Variants in SPTBN1 observed in about 807,000 individuals in gnomAD.
SPTBN1 encodes spectrin beta chain, non-erythrocytic 1.
In SPTBN1, 32 loss-of-function variants were observed where a neutral mutation model predicts 266.4. That is an observed-to-expected ratio of 0.12 (90% confidence interval 0.09 to 0.16). The LOEUF (loss-of-function observed/expected upper bound fraction) is 0.16, where lower values mean the gene tolerates loss of function less well. Among genes scored for constraint, SPTBN1 ranks in the 10% least tolerant of loss-of-function variants. SPTBN1 has a pLI of 1.00. For synonymous variants in SPTBN1, 1,336 were observed against 1,162.2 expected, an observed-to-expected ratio of 1.15 and a Z score of -3.04; for missense variants, 2,296 against 3,067.1, an observed-to-expected ratio of 0.75 and a Z score of 5.94.
At chr2:54,668,231 G>T in intron 35 of SPTBN1, 120 bp from the exon 36 acceptor site, 1 of 871,672 alleles carries the variant, frequency 1.1e-6, no homozygotes, top group Non-Finnish European at 1.8e-6. Flanking sequence ...TGGGGACAGT[G>T]CCCAGAAGTG....
At chr2:54,492,069 A>T (rs1668713324) in intron 1 of SPTBN1, among the ~76,000 whole-genome samples, 1 of 152,180 alleles carries the variant, frequency 6.6e-6, no homozygotes, top group African/African-American at 2.4e-5. Flanking sequence ...TATTTTTAGG[A>T]TATACCATAA....
Position 54,630,908 on chromosome 2 carries a change from C to T in SPTBN1, c.2861C>T (p.Ala954Val), listed in dbSNP as rs1436554129. The T allele has an allele frequency of 1.9e-6, 3 of 1,612,570 alleles. No individual in the cohort carries two copies. Among genetic ancestry groups the T allele is most frequent in the Non-Finnish European group, 8.5e-7 (1 of 1,179,310 alleles). ...VDRKKDALLS[A>V]LSIQNYHLEC... is the part of the protein sequence containing the mutation. Reference sequence around the variant, plus strand: ...AGGAAGAAGGATGCCCTCCTGTCTGCCCTGAGCATCCAGAACTACCACCTC... The same window carrying T: ...AGGAAGAAGGATGCCCTCCTGTCTGTCCTGAGCATCCAGAACTACCACCTC... The change falls in exon 16 of 36, where the codon GCC (alanine) becomes GTC (valine). Residue 954 changes from alanine (A) to valine (V), a missense_variant. Ala to Val is a moderately conservative substitution (Grantham distance 64, BLOSUM62 0). Coordinates refer to ENST00000356805, the MANE Select transcript of SPTBN1 (RefSeq NM_003128.3).
At chr2:54,461,064 C>T (rs1191712954) in intron 1 of SPTBN1, among the ~76,000 whole-genome samples, 3 of 152,164 alleles carry the variant, frequency 2.0e-5, no homozygotes, top group African/African-American at 7.2e-5. Context: ...TCAGGAAGAG[C>T]CTTATACATT....
chr2:54,599,256 C>T lies in SPTBN1; in HGVS notation c.300+13C>T, dbSNP rs767431934. 1 of 1,612,894 alleles carries T rather than the reference C, an allele frequency of 6.2e-7. No homozygotes were observed. The highest frequency in any genetic ancestry group is 1.1e-5 in the South Asian group (1 of 90,822). ...TGGAGAGAGGCTGGTGAGTGGAGAC[C>T]TTAGGAAGTGCCGTGTGTTGTAGGT... On this transcript the variant is annotated intron_variant, in intron 3 of 35. Transcript: ENST00000356805.
intron 1 of SPTBN1, among the ~76,000 whole-genome samples, chr2:54,525,078 A>T (rs1670719310): frequency 1.3e-5 from 2 of 152,210 alleles, no homozygotes; most frequent in South Asian, 2.1e-4. Flanking sequence ...CTGGTCCAGC[A>T]CAGAGTACGT....
intron 1 of SPTBN1, among the ~76,000 whole-genome samples, chr2:54,471,760 C>G (rs1198388046): frequency 7.2e-6 from 1 of 138,104 alleles, no homozygotes; most frequent in African/African-American, 2.7e-5. Context: ...AATTGCTCCT[C>G]TGAATGTGTT....
At chr2:54,668,236 GA>G in intron 35 of SPTBN1, 114 bp from the exon 36 acceptor site, 1 of 936,130 alleles carries the variant, frequency 1.1e-6, no homozygotes, top group Non-Finnish European at 1.7e-6. Context: ...ACAGTGCCCA[GA>G]AGTGACTCTG....
At chr2:54,490,410 A>G (rs909285395) in intron 1 of SPTBN1, among the ~76,000 whole-genome samples, 9 of 152,176 alleles carry the variant, frequency 5.9e-5, no homozygotes, top group Non-Finnish European at 1.3e-4. Flanking sequence ...CTAAATTCAG[A>G]AAGTATTTAA....
At chr2:54,647,351 A>G in intron 24 of SPTBN1, 90 bp downstream of exon 24, 1 of 1,537,138 alleles carries the variant, frequency 6.5e-7, no homozygotes, top group Non-Finnish European at 8.8e-7. Context: ...AAATGTCAGC[A>G]TTCATCATGA....
At position 54,643,136 on chromosome 2, in the gene SPTBN1, T is replaced by G; in HGVS notation, c.4005+7T>G. On this transcript the variant is annotated splice_region_variant and intron_variant, in intron 19 of 35. Coordinates refer to ENST00000356805, the MANE Select transcript of SPTBN1 (RefSeq NM_003128.3). ...GCTTGACAAAATCGAGAAGGTGAGT[T>G]AAAACATTTGATGTGGCCATGGTGA... The G allele has an allele frequency of 6.2e-7, 1 of 1,614,048 alleles. No homozygotes were observed. The highest frequency in any genetic ancestry group is 1.3e-5 in the African/African-American group (1 of 75,042).
At chr2:54,547,464 G>T (rs890400480) in intron 2 of SPTBN1, among the ~76,000 whole-genome samples, 1 of 152,050 alleles carries the variant, frequency 6.6e-6, no homozygotes. Context: ...CAGTTCTTTT[G>T]GATATATATC....
At chr2:54,463,343 A>G (rs139969523) in intron 1 of SPTBN1, among the ~76,000 whole-genome samples, 1 of 152,346 alleles carries the variant, frequency 6.6e-6, no homozygotes, top group East Asian at 1.9e-4. Flanking sequence ...ATGATTGGAT[A>G]TTTGATTGGG....
Position 54,522,697 on chromosome 2 carries a change from G to GAGAGAGAAAGAGAAAGAAAGAA in SPTBN1, c.-47-3672_-47-3671insGAGAAAGAGAAAGAAAGAAAGA, listed in dbSNP as rs1553439438. On this transcript the variant is annotated intron_variant, in intron 1 of 35. Transcript: ENST00000356805. ...GAGAGAGGAGAGAGAGAGAGAGAGA[G>GAGAGAGAAAGAGAAAGAAAGAA]AGAAAGAAAGAAAGGAAAGAAAGAA... is the stretch of plus-strand genomic sequence containing the variant. 1.8e-3 allele frequency among the ~76,000 whole-genome samples: 176 copies of GAGAGAGAAAGAGAAAGAAAGAA among 97,320 alleles called. 6 individuals carry two copies. The highest frequency in any genetic ancestry group is 6.7e-3 in the African/African-American group (162 of 24,186). 63.8% of individuals were successfully genotyped at this position (97,320 alleles called of 152,430 possible).
intron 1 of SPTBN1, among the ~76,000 whole-genome samples, chr2:54,492,173 C>T (rs143940229): frequency 3.3e-5 from 5 of 152,116 alleles, no homozygotes; most frequent in Non-Finnish European, 5.9e-5. Flanking sequence ...GTCCAGTTTA[C>T]GGTTTGCGCT....
intron 26 of SPTBN1, among the ~76,000 whole-genome samples, chr2:54,651,302 T>A (rs1003624948): frequency 6.6e-6 from 1 of 152,090 alleles, no homozygotes; most frequent in Non-Finnish European, 1.5e-5. Flanking sequence ...CAAAGAAGGG[T>A]CTCGGAACAT....
intron 1 of SPTBN1, among the ~76,000 whole-genome samples, chr2:54,467,499 A>T (rs902221576): frequency 1.4e-4 from 22 of 152,054 alleles, no homozygotes; most frequent in African/African-American, 5.1e-4. Flanking sequence ...GGTTCAAGCG[A>T]TTCTCCTGCC....
At chr2:54,584,010 C>T (rs1378259583) in intron 2 of SPTBN1, among the ~76,000 whole-genome samples, 1 of 152,274 alleles carries the variant, frequency 6.6e-6, no homozygotes, top group South Asian at 2.1e-4. Flanking sequence ...AGTGGAAATG[C>T]CTCCTGTCTG....
chr2:54,648,928 C>A, intron 24 of SPTBN1, 58 bp from the exon 25 acceptor site: 2 of 1,474,590 alleles, frequency 1.4e-6, no homozygotes, highest in Non-Finnish European at 9.2e-7. Context: ...TGTTTTTCCC[C>A]TGAAGAAACT....
chr2:54,487,604 C>T (rs576288600), intron 1 of SPTBN1, among the ~76,000 whole-genome samples: 23 of 152,112 alleles, frequency 1.5e-4, no homozygotes, highest in Non-Finnish European at 2.6e-4. Flanking sequence ...TCTAATGTCA[C>T]ATTTCTTCAT....
Sources: allele counts gnomAD v4.1 joint callset (sites outside exome capture counted in the v4.1 genomes callset), GRCh38; gene constraint gnomAD v4.1.1; transcripts MANE v1.5; gene names NCBI Gene and HGNC (gene_info 2026-07-23, HGNC 2026-07-21).